The following MAML3 variants were observed in gnomAD, a reference collection of about 807,000 sequenced individuals.
The protein encoded by MAML3 is mastermind-like protein 3.
In MAML3, 27 loss-of-function variants were observed where a neutral mutation model predicts 101.9. The observed-to-expected ratio is 0.27, with a 90% CI of 0.20 to 0.37. The LOEUF is 0.37. Among genes scored for constraint, MAML3 ranks in the 10% least tolerant of loss-of-function variants. The pLI is 1.00. For synonymous variants in MAML3, 501 were observed against 555.9 expected, an observed-to-expected ratio of 0.90 and a Z score of 1.39; for missense variants, 1,316 against 1,444.9, an observed-to-expected ratio of 0.91 and a Z score of 1.45.
rs1287465003 is a variant in MAML3 at position 139,717,059 on chromosome 4, A to AT, written c.*2263dup. The AT allele has an allele frequency of 6.6e-6, 1 of 152,402 alleles. No homozygotes were observed. 9.4% of individuals were successfully genotyped at this position (152,402 alleles called of 1,614,324 possible). On this transcript the variant is annotated 3_prime_UTR_variant, in exon 5 of 5. Coordinates refer to ENST00000509479, the MANE Select transcript of MAML3 (RefSeq NM_018717.5). ...ACAGTATATATATATTTATATGTATATTTTTTACAGATAGTAGACCCAGTG... is the reference window on the plus strand; with the variant it reads ...ACAGTATATATATATTTATATGTATATTTTTTTACAGATAGTAGACCCAGTG...
chr4:139,735,957 G>C lies in MAML3; in HGVS notation c.2080-5290C>G, dbSNP rs1486875464. Among the ~76,000 whole-genome samples the C allele has an allele frequency of 6.6e-6, 1 of 152,146 alleles. No homozygotes were observed. The highest frequency in any genetic ancestry group is 1.5e-5 in the Non-Finnish European group (1 of 68,012). ...GAGGCTGCGGTGTGCTCCAGCGGGC[G>C]CATTTCCCAGGCCCCGCCACATCGT... On this transcript the variant is annotated intron_variant, in intron 2 of 4. Transcript: ENST00000509479. The surrounding 1 kb of genome is among the most constrained non-coding windows in gnomAD (Gnocchi z 5.8).
intron 1 of MAML3, among the ~76,000 whole-genome samples, chr4:140,053,580 A>G (rs1392081351): frequency 4.6e-5 from 7 of 152,188 alleles, no homozygotes; most frequent in Non-Finnish European, 2.9e-5. Flanking sequence ...AAAACCAAAC[A>G]TGGTAACATA....
chr4:139,896,245 C>T (rs565113254), intron 1 of MAML3, among the ~76,000 whole-genome samples: 1 of 152,094 alleles, frequency 6.6e-6, no homozygotes, highest in African/African-American at 2.4e-5. Flanking sequence ...TGACTTTCCT[C>T]TCCTCAAGAC....
chr4:139,795,768 G>A (rs887530232), intron 2 of MAML3, among the ~76,000 whole-genome samples: 2 of 152,150 alleles, frequency 1.3e-5, no homozygotes, highest in African/African-American at 4.8e-5. Flanking sequence ...GACCCCACTT[G>A]CAACATGCGG....
intron 2 of MAML3, among the ~76,000 whole-genome samples, chr4:139,885,627 A>AC (rs1732313227): frequency 6.6e-6 from 1 of 151,398 alleles, no homozygotes; most frequent in East Asian, 1.9e-4. Flanking sequence ...AGGTTTTAAA[A>AC]CAAAAAAAAA....
chr4:139,763,038 T>C (rs1008477505), intron 2 of MAML3, among the ~76,000 whole-genome samples: 38 of 152,308 alleles, frequency 2.5e-4, no homozygotes, highest in East Asian at 1.7e-3. Context: ...AAAGGGAAAC[T>C]GACCAGTGGT....
At chr4:139,747,655 C>T (rs1729370081) in intron 2 of MAML3, among the ~76,000 whole-genome samples, 1 of 151,516 alleles carries the variant, frequency 6.6e-6, no homozygotes, top group Non-Finnish European at 1.5e-5. Context: ...GATAGTGCCA[C>T]TGCACTCCAG....
intron 1 of MAML3, among the ~76,000 whole-genome samples, chr4:139,947,964 G>A (rs1323276562): frequency 6.7e-6 from 1 of 150,250 alleles, no homozygotes; most frequent in African/African-American, 2.4e-5. Flanking sequence ...AGCCAGGTGT[G>A]GGGGCGCATG....
At chr4:140,150,478 C>T (rs1192956398) in intron 1 of MAML3, among the ~76,000 whole-genome samples, 1 of 152,158 alleles carries the variant, frequency 6.6e-6, no homozygotes, top group African/African-American at 2.4e-5. Flanking sequence ...TCCAGAGACC[C>T]GGCACTGGGA....
chr4:139,815,319 C>A (rs528787683), intron 2 of MAML3, among the ~76,000 whole-genome samples: 78 of 152,258 alleles, frequency 5.1e-4, no homozygotes, highest in African/African-American at 1.8e-3. Flanking sequence ...TAAATATGGC[C>A]TGCTGAATAA....
chr4:139,834,465 G>A (rs1229142979), intron 2 of MAML3, among the ~76,000 whole-genome samples: 1 of 152,220 alleles, frequency 6.6e-6, no homozygotes, highest in Non-Finnish European at 1.5e-5. Context: ...GGGGATCCCC[G>A]TGGCCGGCCA....
chr4:139,968,309 TAAAAAAA>T (rs60977680), intron 1 of MAML3, among the ~76,000 whole-genome samples: 2 of 106,310 alleles, frequency 1.9e-5, no homozygotes, highest in Non-Finnish European at 4.0e-5. Flanking sequence ...GGCTCTGTCT[TAAAAAAA>T]AAAAAAAAAA....
intron 2 of MAML3, among the ~76,000 whole-genome samples, chr4:139,754,054 T>C (rs955388907): frequency 6.6e-6 from 1 of 152,256 alleles, no homozygotes; most frequent in Admixed American, 6.5e-5. Flanking sequence ...TGTAATGTTA[T>C]AAAGTTATGA....
At chr4:139,943,888 T>TTTTTTTTTTTTTTTTTTTTTTTA (rs1733654458) in intron 1 of MAML3, among the ~76,000 whole-genome samples, 1 of 143,538 alleles carries the variant, frequency 7.0e-6, no homozygotes, top group Non-Finnish European at 1.5e-5. Context: ...TTTTTTTTTT[T>TTTTTTTTTTTTTTTTTTTTTTTA]GAGACGGAAT....
intron 2 of MAML3, among the ~76,000 whole-genome samples, chr4:139,846,256 T>C (rs7698436): frequency 0.36 from 54,117 of 152,066 alleles, 10,143 homozygotes; most frequent in East Asian, 0.68. Context: ...CCAAACTACA[T>C]ATTTTTGTCT....
chr4:140,086,536 T>C (rs1307380259), intron 1 of MAML3, among the ~76,000 whole-genome samples: 1 of 152,248 alleles, frequency 6.6e-6, no homozygotes, highest in Non-Finnish European at 1.5e-5. Flanking sequence ...AAAAGGCATT[T>C]AAAATATCAA....
intron 2 of MAML3, among the ~76,000 whole-genome samples, chr4:139,826,320 T>C (rs1731059890): frequency 6.6e-6 from 1 of 152,076 alleles, no homozygotes; most frequent in Admixed American, 6.5e-5. Context: ...TCCCTCACAG[T>C]GTGAATTCAG....
intron 1 of MAML3, among the ~76,000 whole-genome samples, chr4:139,993,494 C>A (rs1734744017): frequency 6.6e-6 from 1 of 150,586 alleles, no homozygotes; most frequent in Non-Finnish European, 1.5e-5. Flanking sequence ...TTTTTCTTAT[C>A]TTTTCCTTTT....
chr4:139,802,363 C>A (rs1264043257), intron 2 of MAML3, among the ~76,000 whole-genome samples: 1 of 152,144 alleles, frequency 6.6e-6, no homozygotes, highest in Non-Finnish European at 1.5e-5. Flanking sequence ...CTTTCCTTGG[C>A]TTCCTATCCT....
Sources: gnomAD v4.1 joint callset for allele counts (sites outside exome capture counted in the v4.1 genomes callset) on GRCh38, gnomAD v4.1.1 for gene constraint, Gnocchi (gnomAD v3.1) non-coding constraint, MANE v1.5 for transcripts, NCBI Gene and HGNC (gene_info 2026-07-23, HGNC 2026-07-21) for gene names.